Variants in CRHR1 observed in about 807,000 individuals in gnomAD.
The protein encoded by CRHR1 is corticotropin-releasing hormone receptor 1.
CRHR1 carries 28 observed loss-of-function variants against 56.0 expected under a neutral mutation model. The ratio of observed to expected loss-of-function variants is 0.50; its 90% CI spans 0.37 to 0.69. CRHR1 has a LOEUF of 0.69. Ranked by LOEUF, CRHR1 falls within the 30% of genes least tolerant of loss-of-function variation. The pLI, the probability that CRHR1 is intolerant of heterozygous loss-of-function variation, is 0.00. For missense variants in CRHR1, 376 were observed against 548.0 expected (o/e 0.69, Z 3.13); for synonymous variants, 195 against 216.5 (o/e 0.90, Z 0.87).
At chr17:45,820,723 C>G (rs1377758584) in intron 3 of CRHR1, among the ~76,000 whole-genome samples, 2 of 152,298 alleles carry the variant, frequency 1.3e-5, no homozygotes, top group East Asian at 1.9e-4. Context: ...CACCCACAGA[C>G]CACGACCTTC....
chr17:45,796,043 C>T (rs903762825), intron 1 of CRHR1, among the ~76,000 whole-genome samples: 1 of 152,212 alleles, frequency 6.6e-6, no homozygotes, highest in African/African-American at 2.4e-5. Context: ...TCCTTTCTGG[C>T]CCTCTTTAAA....
intron 8 of CRHR1, among the ~76,000 whole-genome samples, chr17:45,832,103 G>A (rs1367367364): frequency 1.3e-5 from 2 of 152,028 alleles, no homozygotes; most frequent in African/African-American, 4.8e-5. Flanking sequence ...GTGGTGGTGC[G>A]CACCTGTAGT....
rs1344443137 is a variant in CRHR1, at chr17:45,821,227, C to CA, written c.242-127dup. 3 of 822,906 alleles carry CA rather than the reference C, an allele frequency of 3.6e-6. No individual in the cohort carries two copies. In the East Asian group the frequency reaches 7.4e-5, roughly 20 times the overall value. The allele number at this position is 822,906 out of a possible 1,614,324, so 51.0% of individuals were successfully genotyped here. The stretch of plus-strand genomic sequence containing the variant: ...GAAGCCCCTCTCCCCAGCTTCACTA[C>CA]ACAACCCCCAGCCAGCAGGTGCCTG... On this transcript the variant is annotated intron_variant, in intron 3 of 12. Transcript: ENST00000314537.
intron 4 of CRHR1, among the ~76,000 whole-genome samples, chr17:45,822,484 T>G (rs2062063705): frequency 6.6e-6 from 1 of 152,244 alleles, no homozygotes; most frequent in Non-Finnish European, 1.5e-5. Flanking sequence ...GGCCAGGGAT[T>G]CTGATTGTGG....
chr17:45,793,523 C>T (rs1476873404), intron 1 of CRHR1, among the ~76,000 whole-genome samples: 1 of 152,182 alleles, frequency 6.6e-6, no homozygotes, highest in Non-Finnish European at 1.5e-5. Flanking sequence ...AAGGCAGGGG[C>T]GCCAAGAGCA....
chr17:45,800,377 C>T (rs1171716675), intron 1 of CRHR1: 2 of 152,232 alleles, frequency 1.3e-5, no homozygotes, highest in Non-Finnish European at 2.9e-5. Flanking sequence ...TGCGGGGCCT[C>T]CCCCAGGGCC....
chr17:45,830,408 G>T lies in CRHR1; in HGVS notation c.556-9G>T, dbSNP rs758061442. 1 of 1,600,374 alleles carries T rather than the reference G, an allele frequency of 6.2e-7. No homozygotes were observed. Among genetic ancestry groups the T allele is most frequent in the Non-Finnish European group, 8.5e-7 (1 of 1,172,156 alleles). On this transcript the variant is annotated splice_polypyrimidine_tract_variant and intron_variant, in intron 6 of 12. Coordinates refer to ENST00000314537, the MANE Select transcript of CRHR1 (RefSeq NM_004382.5). ...CCATCATCATCTCTGGTTGGGGGTG[G>T]GGTGGCAGGGCTGGTGCAGGTTGGT... is the stretch of plus-strand genomic sequence containing the variant.
At chr17:45,796,741 T>G (rs1444455746) in intron 1 of CRHR1, among the ~76,000 whole-genome samples, 1 of 151,762 alleles carries the variant, frequency 6.6e-6, no homozygotes, top group African/African-American at 2.4e-5. Context: ...GTGCAAGCCT[T>G]CAGTAAAGGC....
At chr17:45,800,168 T>A (rs1202121418) in intron 1 of CRHR1, 1 of 152,400 alleles carries the variant, frequency 6.6e-6, no homozygotes, top group African/African-American at 2.4e-5. Context: ...TTTCCTTTTT[T>A]CCAAATCATG....
At chr17:45,793,724 C>T (rs1210796922) in intron 1 of CRHR1, among the ~76,000 whole-genome samples, 1 of 152,162 alleles carries the variant, frequency 6.6e-6, no homozygotes, top group African/African-American at 2.4e-5. Flanking sequence ...TGGTGGGGCT[C>T]ACATGCACCC....
intron 2 of CRHR1, among the ~76,000 whole-genome samples, chr17:45,813,796 G>A (rs2061872253): frequency 6.6e-6 from 1 of 152,260 alleles, no homozygotes; most frequent in African/African-American, 2.4e-5. Context: ...GAGAGAATTA[G>A]CACCCATGGT....
At chr17:45,807,804 T>G (rs2061747048) in intron 2 of CRHR1, among the ~76,000 whole-genome samples, 1 of 152,202 alleles carries the variant, frequency 6.6e-6, no homozygotes, top group East Asian at 1.9e-4. Flanking sequence ...TCTCGTTTCA[T>G]CCTCACAAGA....
chr17:45,795,136 C>T (rs1453014508), intron 1 of CRHR1, among the ~76,000 whole-genome samples: 1 of 152,216 alleles, frequency 6.6e-6, no homozygotes, highest in Non-Finnish European at 1.5e-5. Context: ...CAGGAAAGGT[C>T]GTTTCCACCA....
intron 2 of CRHR1, among the ~76,000 whole-genome samples, chr17:45,815,533 A>T (rs552763665): frequency 5.3e-5 from 8 of 152,228 alleles, no homozygotes; most frequent in Admixed American, 4.6e-4. Flanking sequence ...TGAGAATCTA[A>T]TGAAAGCCGT....
At chr17:45,833,639 C>T in intron 10 of CRHR1, 75 bp from the exon 11 acceptor site, 1 of 1,602,590 alleles carries the variant, frequency 6.2e-7, no homozygotes. Flanking sequence ...CGACCTGGCC[C>T]TCTTTGCCGA....
At chr17:45,831,775 C>G (rs1421730052) in intron 8 of CRHR1, among the ~76,000 whole-genome samples, 1 of 152,184 alleles carries the variant, frequency 6.6e-6, no homozygotes, top group Non-Finnish European at 1.5e-5. Context: ...CTTTGCCAAA[C>G]AAGTGTTCCC....
intron 2 of CRHR1, 26 bp downstream of exon 2, chr17:45,807,123 A>G (rs1268247420): frequency 6.2e-7 from 1 of 1,605,684 alleles, no homozygotes; most frequent in Non-Finnish European, 8.5e-7. Flanking sequence ...CCCCTCCTGC[A>G]AGATTCCTGG....
intron 2 of CRHR1, among the ~76,000 whole-genome samples, chr17:45,813,687 C>A (rs1180784053): frequency 6.6e-6 from 1 of 152,232 alleles, no homozygotes; most frequent in Non-Finnish European, 1.5e-5. Context: ...AAAAGATGAG[C>A]ATTGAAAATC....
chr17:45,823,392 T>C (rs935933662), intron 4 of CRHR1, among the ~76,000 whole-genome samples: 2 of 147,636 alleles, frequency 1.4e-5, no homozygotes, highest in Non-Finnish European at 3.0e-5. Context: ...CACGTGGCTC[T>C]GGGACATTCC....
Sources: allele counts gnomAD v4.1 joint callset (sites outside exome capture counted in the v4.1 genomes callset), GRCh38; gene constraint gnomAD v4.1.1; transcripts MANE v1.5; gene names NCBI Gene and HGNC (gene_info 2026-07-23, HGNC 2026-07-21).